Variants in CTNND2 observed in about 807,000 individuals in gnomAD.
CTNND2 encodes the protein catenin delta-2.
A neutral mutation model predicts 144.4 loss-of-function variants in CTNND2; 22 were observed. The observed-to-expected ratio is 0.15, with a 90% CI of 0.11 to 0.22. CTNND2 has a LOEUF of 0.22. CTNND2 is among the 10% of genes least tolerant of loss of function. The probability of loss-of-function intolerance (pLI) is 1.00; values close to 1 mark genes in which losing one functional copy is unlikely to be tolerated. For synonymous variants in CTNND2, 751 were observed against 695.6 expected (o/e 1.08, Z -1.25); for missense variants, 1,353 against 1,618.8 (o/e 0.84, Z 2.82).
intron 16 of CTNND2, among the ~76,000 whole-genome samples, chr5:11,072,349 C>A (rs898366829): frequency 1.3e-5 from 2 of 152,210 alleles, no homozygotes; most frequent in Non-Finnish European, 2.9e-5. Context: ...TGATAAGAAA[C>A]ATACACTCAC....
Position 11,384,061 on chromosome 5 carries a change from C to A in CTNND2, c.1177+604G>T, listed in dbSNP as rs1256236486. Among the ~76,000 whole-genome samples the A allele has an allele frequency of 1.3e-5, 2 of 152,104 alleles. No homozygotes were observed. The highest frequency in any genetic ancestry group is 6.5e-5 in the Admixed American group (1 of 15,274). Reference sequence around the variant, plus strand: ...CTAACTTTGTCGCAAATGTTAGGACCCAAGTACATCCAATGACAGGTATGG... The same window carrying A: ...CTAACTTTGTCGCAAATGTTAGGACACAAGTACATCCAATGACAGGTATGG... On this transcript the variant is annotated intron_variant, in intron 7 of 21. Coordinates refer to ENST00000304623, the MANE Select transcript of CTNND2 (RefSeq NM_001332.4). The surrounding 1 kb of genome is among the most constrained non-coding windows in gnomAD (Gnocchi z 5.2).
intron 3 of CTNND2, 64 bp from the exon 4 acceptor site, chr5:11,412,133 T>C (rs1761595459): frequency 7.5e-7 from 1 of 1,338,646 alleles, no homozygotes; most frequent in Non-Finnish European, 1.1e-6. Flanking sequence ...AACCCTAAAA[T>C]CTAAGACACA....
chr5:11,712,743 T>A (rs1416588748), intron 2 of CTNND2, among the ~76,000 whole-genome samples: 1 of 152,198 alleles, frequency 6.6e-6, no homozygotes, highest in Non-Finnish European at 1.5e-5. Flanking sequence ...AAAAGAGTCG[T>A]TCATCCTAGA....
intron 3 of CTNND2, among the ~76,000 whole-genome samples, chr5:11,419,607 T>A (rs963909557): frequency 6.6e-6 from 1 of 152,204 alleles, no homozygotes; most frequent in Non-Finnish European, 1.5e-5. Context: ...TCAGAGGGCA[T>A]GAAATAGGAA....
At chr5:11,317,773 T>C (rs907883114) in intron 9 of CTNND2, among the ~76,000 whole-genome samples, 18 of 152,286 alleles carry the variant, frequency 1.2e-4, no homozygotes, top group Admixed American at 6.5e-4. Context: ...CAGACAGGAT[T>C]CTCTCATGCT....
At chr5:11,414,228 T>A (rs1761753347) in intron 3 of CTNND2, among the ~76,000 whole-genome samples, 1 of 152,146 alleles carries the variant, frequency 6.6e-6, no homozygotes. Context: ...TTGTAGGGAA[T>A]GCAGCCCTGC....
rs942777320 is a variant in CTNND2, at chr5:11,340,726, T to C, written c.1628+5646A>G. Among the ~76,000 whole-genome samples, 17 of 152,334 alleles carry C rather than the reference T, an allele frequency of 1.1e-4. No homozygotes were observed. The East Asian group carries it at 2.1e-3, about 19-fold the overall frequency. ...TGAAAAGACTTGGCATTTTGTTTGA[T>C]TCTACAGCTCAAATAGGTATGAATG... On this transcript the variant is annotated intron_variant, in intron 9 of 21. Coordinates refer to ENST00000304623, the MANE Select transcript of CTNND2 (RefSeq NM_001332.4).
At chr5:11,195,558 G>A (rs779611949) in intron 11 of CTNND2, among the ~76,000 whole-genome samples, 3 of 152,186 alleles carry the variant, frequency 2.0e-5, no homozygotes, top group East Asian at 1.9e-4. Context: ...TCCTCAGCCC[G>A]ACTCCTTAAC....
chr5:11,408,022 A>G (rs1329445773), intron 5 of CTNND2, among the ~76,000 whole-genome samples: 2 of 151,938 alleles, frequency 1.3e-5, no homozygotes, highest in Admixed American at 6.6e-5. Flanking sequence ...GGAGGGAGGA[A>G]AAAGAGATTA....
At chr5:11,860,684 T>C (rs1795458832) in intron 1 of CTNND2, among the ~76,000 whole-genome samples, 1 of 152,242 alleles carries the variant, frequency 6.6e-6, no homozygotes, top group African/African-American at 2.4e-5. Flanking sequence ...CCAGGTAATT[T>C]AGGTACCAAT....
intron 3 of CTNND2, among the ~76,000 whole-genome samples, chr5:11,428,467 T>C (rs1349852067): frequency 6.6e-6 from 1 of 152,186 alleles, no homozygotes; most frequent in Admixed American, 6.5e-5. Flanking sequence ...TGAGGCTCTG[T>C]ATCCTCTGAG....
At chr5:11,464,839 C>T (rs1296268328) in intron 3 of CTNND2, among the ~76,000 whole-genome samples, 2 of 152,102 alleles carry the variant, frequency 1.3e-5, no homozygotes, top group Non-Finnish European at 2.9e-5. Flanking sequence ...ATTTTATTAA[C>T]TAAAATTCTA....
Position 11,739,546 on chromosome 5 carries a change from T to A in CTNND2, c.38-7274A>T, listed in dbSNP as rs1167331566. Among the ~76,000 whole-genome samples the A allele has an allele frequency of 2.4e-4, 36 of 152,126 alleles. 1 individual carries two copies. On this transcript the variant is annotated intron_variant, in intron 1 of 21. Transcript: ENST00000304623. ...CCACACTCTGATGTCAGTCAGGGAATGTAAAGATTGAGAGCTATTTATGAC... is the reference window on the plus strand; with the variant it reads ...CCACACTCTGATGTCAGTCAGGGAAAGTAAAGATTGAGAGCTATTTATGAC...
intron 9 of CTNND2, among the ~76,000 whole-genome samples, chr5:11,342,081 GGT>G (rs142431478): frequency 1.3e-5 from 2 of 151,216 alleles, no homozygotes; most frequent in East Asian, 1.9e-4. Flanking sequence ...CATGCGCGTG[GGT>G]GTGTGTGTGT....
intron 1 of CTNND2, among the ~76,000 whole-genome samples, chr5:11,899,904 C>A (rs1737717294): frequency 6.6e-6 from 1 of 152,180 alleles, no homozygotes; most frequent in Non-Finnish European, 1.5e-5. Context: ...CCACCAGAAG[C>A]AGAATGCAAA....
At chr5:11,134,123 G>A (rs1189517059) in intron 12 of CTNND2, among the ~76,000 whole-genome samples, 2 of 152,178 alleles carry the variant, frequency 1.3e-5, no homozygotes, top group Non-Finnish European at 2.9e-5. Flanking sequence ...GAGAGATGTG[G>A]CTGAGGAGGG....
chr5:11,205,077 T>G (rs929126722), intron 10 of CTNND2, among the ~76,000 whole-genome samples: 2 of 152,208 alleles, frequency 1.3e-5, no homozygotes, highest in Admixed American at 1.3e-4. Flanking sequence ...TTTAATAAAA[T>G]GGATATATCT....
chr5:11,644,500 C>G (rs1011358912), intron 2 of CTNND2, among the ~76,000 whole-genome samples: 2 of 152,018 alleles, frequency 1.3e-5, no homozygotes, highest in South Asian at 2.1e-4. Context: ...CAGTGAAACC[C>G]TGTCTCTACT....
intron 3 of CTNND2, among the ~76,000 whole-genome samples, chr5:11,466,878 C>T (rs771664113): frequency 6.6e-6 from 1 of 152,232 alleles, no homozygotes; most frequent in Non-Finnish European, 1.5e-5. Context: ...GCTTCCCACA[C>T]ATGCGTGTAC....
Sources: gnomAD v4.1 joint callset for allele counts (sites outside exome capture counted in the v4.1 genomes callset) on GRCh38, gnomAD v4.1.1 for gene constraint, Gnocchi (gnomAD v3.1) non-coding constraint, MANE v1.5 for transcripts, NCBI Gene and HGNC (gene_info 2026-07-23, HGNC 2026-07-21) for gene names.